The following MARCHF1 variants were observed in gnomAD, a reference collection of about 807,000 sequenced individuals.
The protein encoded by MARCHF1 is E3 ubiquitin-protein ligase MARCHF1.
MARCHF1 carries 40 observed loss-of-function variants against 54.2 expected under a neutral mutation model. The observed-to-expected ratio is 0.74, with a 90% CI of 0.57 to 0.96. The LOEUF (loss-of-function observed/expected upper bound fraction) is 0.96. Ranked by LOEUF, MARCHF1 falls within the 40% of genes least tolerant of loss-of-function variation. The pLI is 0.00. For missense variants in MARCHF1, 586 were observed against 656.5 expected (o/e 0.89, Z 1.17); for synonymous variants, 236 against 236.3 (o/e 1.00, Z 0.01).
intron 2 of MARCHF1, among the ~76,000 whole-genome samples, chr4:164,032,460 T>C (rs1429487774): frequency 6.6e-6 from 1 of 152,232 alleles, no homozygotes; most frequent in Non-Finnish European, 1.5e-5. Context: ...AGCTTTCTGA[T>C]GTGGGCATTT....
At chr4:164,157,055 TCTCA>T (rs1247614085) in intron 1 of MARCHF1, among the ~76,000 whole-genome samples, 1 of 152,200 alleles carries the variant, frequency 6.6e-6, no homozygotes, top group Non-Finnish European at 1.5e-5. Flanking sequence ...TTGCTACTTC[TCTCA>T]CTCTTATAAA....
chr4:164,136,425 G>A (rs1756403966), intron 1 of MARCHF1, among the ~76,000 whole-genome samples: 1 of 152,154 alleles, frequency 6.6e-6, no homozygotes, highest in South Asian at 2.1e-4. Context: ...AAAGTTAGAG[G>A]AGAGTGAGTG....
chr4:163,660,843 C>A (rs906865725), intron 5 of MARCHF1, among the ~76,000 whole-genome samples: 6 of 151,768 alleles, frequency 4.0e-5, no homozygotes, highest in Admixed American at 6.6e-5. Flanking sequence ...AAAAAAATTC[C>A]CATTTTTCTC....
intron 2 of MARCHF1, among the ~76,000 whole-genome samples, chr4:164,014,856 A>G (rs1374813658): frequency 1.3e-5 from 2 of 152,212 alleles, no homozygotes; most frequent in African/African-American, 4.8e-5. Flanking sequence ...CATGTATCCA[A>G]TGCTGGAGCA....
At chr4:164,203,789 T>G (rs373072470) in intron 1 of MARCHF1, among the ~76,000 whole-genome samples, 2 of 152,132 alleles carry the variant, frequency 1.3e-5, no homozygotes, top group African/African-American at 4.8e-5. Context: ...CACCCTCGCT[T>G]GAGAGTAGAC....
intron 1 of MARCHF1, among the ~76,000 whole-genome samples, chr4:164,241,969 A>G (rs1410776389): frequency 2.0e-5 from 3 of 152,198 alleles, no homozygotes; most frequent in African/African-American, 7.2e-5. Flanking sequence ...CCTGGCTCGG[A>G]GGGTCCTATG....
At chr4:164,273,509 A>G (rs1230041517) in intron 1 of MARCHF1, among the ~76,000 whole-genome samples, 1 of 152,192 alleles carries the variant, frequency 6.6e-6, no homozygotes, top group Non-Finnish European at 1.5e-5. Context: ...TCAGAGAAAA[A>G]TACTAGTATT....
At chr4:164,188,442 A>G in intron 1 of MARCHF1, 1 of 622,646 alleles carries the variant, frequency 1.6e-6, no homozygotes, top group Non-Finnish European at 3.0e-6. Flanking sequence ...TGGTTCGAGG[A>G]CAAGGAGGAG....
At chr4:164,323,177 T>C (rs1735186249) in intron 1 of MARCHF1, among the ~76,000 whole-genome samples, 1 of 151,948 alleles carries the variant, frequency 6.6e-6, no homozygotes, top group African/African-American at 2.4e-5. Context: ...ACAGGTTAGC[T>C]ATGCTGATCA....
At chr4:164,235,558 G>A (rs1254557352) in intron 1 of MARCHF1, among the ~76,000 whole-genome samples, 1 of 152,016 alleles carries the variant, frequency 6.6e-6, no homozygotes, top group Non-Finnish European at 1.5e-5. Context: ...TGAAGAGGCC[G>A]GTTATATGCA....
intron 2 of MARCHF1, among the ~76,000 whole-genome samples, chr4:164,039,476 C>T (rs901105255): frequency 5.3e-5 from 8 of 152,094 alleles, no homozygotes; most frequent in South Asian, 4.1e-4. Flanking sequence ...CTATTACCAC[C>T]ACTGCCACAA....
At chr4:164,136,542 G>T (rs1244152373) in intron 1 of MARCHF1, among the ~76,000 whole-genome samples, 1 of 152,176 alleles carries the variant, frequency 6.6e-6, no homozygotes, top group African/African-American at 2.4e-5. Flanking sequence ...TGGGAGCAGG[G>T]AAGAGAGTGG....
At chr4:163,829,943 CAGAT>C (rs1189272923) in intron 4 of MARCHF1, among the ~76,000 whole-genome samples, 1 of 152,130 alleles carries the variant, frequency 6.6e-6, no homozygotes, top group Non-Finnish European at 1.5e-5. Context: ...TTTCAAATAG[CAGAT>C]AGATATTATC....
At chr4:164,154,649 C>T (rs1367546) in intron 1 of MARCHF1, among the ~76,000 whole-genome samples, 29,002 of 152,104 alleles carry the variant, frequency 0.19, 4,406 homozygotes, top group African/African-American at 0.41. Flanking sequence ...GGGCTCTGGC[C>T]CCACAGCAGC....
At chr4:163,760,950 G>T (rs1256628109) in intron 4 of MARCHF1, among the ~76,000 whole-genome samples, 1 of 152,066 alleles carries the variant, frequency 6.6e-6, no homozygotes, top group Non-Finnish European at 1.5e-5. Context: ...GTAACATCAC[G>T]ATTAGTCCAA....
chr4:164,319,684 G>A (rs141179565), intron 1 of MARCHF1, among the ~76,000 whole-genome samples: 17 of 151,994 alleles, frequency 1.1e-4, no homozygotes, highest in African/African-American at 3.6e-4. Flanking sequence ...TTATTTAGTC[G>A]GTTCAGTTTA....
At chr4:164,315,863 T>G (rs1277128332) in intron 1 of MARCHF1, among the ~76,000 whole-genome samples, 5 of 152,202 alleles carry the variant, frequency 3.3e-5, no homozygotes, top group Non-Finnish European at 7.4e-5. Context: ...AACATCAACC[T>G]GATTTTAGAG....
At chr4:163,953,823 C>T (rs964666052) in intron 3 of MARCHF1, among the ~76,000 whole-genome samples, 4 of 152,222 alleles carry the variant, frequency 2.6e-5, no homozygotes, top group Non-Finnish European at 4.4e-5. Flanking sequence ...CATATATGCT[C>T]ATTTCTTTAT....
intron 1 of MARCHF1, among the ~76,000 whole-genome samples, chr4:164,243,318 A>G (rs1732834736): frequency 1.4e-5 from 2 of 143,274 alleles, no homozygotes; most frequent in South Asian, 4.8e-4. Context: ...AGTGGGGGCC[A>G]ATATTCAACA....
Sources: allele counts gnomAD v4.1 joint callset (sites outside exome capture counted in the v4.1 genomes callset), GRCh38; gene constraint gnomAD v4.1.1; transcripts MANE v1.5; gene names NCBI Gene and HGNC (gene_info 2026-07-23, HGNC 2026-07-21).